SNX29: variants seen among roughly 807,000 people sequenced by gnomAD.
SNX29 encodes the protein sorting nexin 29.
In SNX29, 78 loss-of-function variants were observed where a neutral mutation model predicts 102.1. The ratio of observed to expected loss-of-function variants is 0.76; its 90% CI spans 0.64 to 0.92. The LOEUF (loss-of-function observed/expected upper bound fraction) is 0.92, where lower values mean the gene tolerates loss of function less well. Among genes scored for constraint, SNX29 ranks in the 40% least tolerant of loss-of-function variants. The pLI, the probability that SNX29 is intolerant of heterozygous loss-of-function variation, is 0.00. For missense variants in SNX29, 1,280 were observed against 1,061.7 expected, an observed-to-expected ratio of 1.21 and a Z score of -2.86; for synonymous variants, 580 against 414.5, an observed-to-expected ratio of 1.40 and a Z score of -4.85.
intron 14 of SNX29, among the ~76,000 whole-genome samples, chr16:12,239,178 G>A (rs148682830): frequency 1.1e-4 from 16 of 152,304 alleles, no homozygotes; most frequent in African/African-American, 2.6e-4. Context: ...AGGAGGGGAT[G>A]GATGCCAGGC....
At chr16:12,356,547 A>G (rs2082142699) in intron 16 of SNX29, among the ~76,000 whole-genome samples, 2 of 152,188 alleles carry the variant, frequency 1.3e-5, no homozygotes, top group Non-Finnish European at 2.9e-5. Context: ...CCGCAAACCC[A>G]TCTTTCCATA....
chr16:12,472,543 AC>A (rs377071317), intron 18 of SNX29, among the ~76,000 whole-genome samples: 5 of 139,846 alleles, frequency 3.6e-5, no homozygotes, highest in African/African-American at 5.2e-5. Context: ...AAAAAAAAAA[AC>A]AAAAAAAAAA....
At chr16:12,278,306 C>T (rs2079320415) in intron 15 of SNX29, among the ~76,000 whole-genome samples, 1 of 151,988 alleles carries the variant, frequency 6.6e-6, no homozygotes, top group Admixed American at 6.6e-5. Context: ...AAAAATAAAA[C>T]AATTGTAAGA....
intron 18 of SNX29, among the ~76,000 whole-genome samples, chr16:12,413,771 C>T (rs1016129371): frequency 5.3e-5 from 8 of 152,244 alleles, no homozygotes; most frequent in East Asian, 1.9e-4. Flanking sequence ...CTGCATCAGC[C>T]TGTGGCTTTG....
chr16:12,502,871 A>G (rs1435536866), intron 19 of SNX29, among the ~76,000 whole-genome samples: 2 of 152,184 alleles, frequency 1.3e-5, no homozygotes, highest in Admixed American at 6.5e-5. Context: ...GTTAAAGGTC[A>G]CTACTTTAGA....
At chr16:12,122,441 G>A (rs574288719) in intron 11 of SNX29, among the ~76,000 whole-genome samples, 1 of 152,158 alleles carries the variant, frequency 6.6e-6, no homozygotes, top group Non-Finnish European at 1.5e-5. Flanking sequence ...GGACTCCCAC[G>A]ACTGCTATAG....
At chr16:12,432,690 A>G (rs1209506245) in intron 18 of SNX29, among the ~76,000 whole-genome samples, 2 of 152,238 alleles carry the variant, frequency 1.3e-5, no homozygotes, top group Non-Finnish European at 2.9e-5. Flanking sequence ...GTCTAGGTCC[A>G]TGCCTTCACT....
intron 3 of SNX29, among the ~76,000 whole-genome samples, chr16:12,013,498 AAAATATATATATATATATATATATATAT>A (rs1378243479): frequency 6.0e-5 from 2 of 33,528 alleles, no homozygotes; most frequent in East Asian, 2.8e-3. Flanking sequence ...GAAAAAAAAA[AAAATATATATATATATATATATATATAT>A]ATATATATAT....
intron 20 of SNX29, among the ~76,000 whole-genome samples, chr16:12,560,029 T>TTCTA (rs2141461227): frequency 1.3e-5 from 2 of 152,070 alleles, no homozygotes; most frequent in Non-Finnish European, 2.9e-5. Flanking sequence ...AGACTTAGTA[T>TTCTA]GACAAATACA....
At chr16:12,244,454 C>T (rs1271082866) in intron 14 of SNX29, among the ~76,000 whole-genome samples, 1 of 152,072 alleles carries the variant, frequency 6.6e-6, no homozygotes, top group East Asian at 1.9e-4. Flanking sequence ...ACCAAAAATA[C>T]AAAAATTAGC....
chr16:12,071,031 G>A lies in SNX29; in HGVS notation c.1319+1899G>A, dbSNP rs2051272142. Among the ~76,000 whole-genome samples, 4 of 151,824 alleles carry A rather than the reference G, an allele frequency of 2.6e-5. No homozygotes were observed. The South Asian group carries it at 8.3e-4, about 32-fold the overall frequency. On this transcript the variant is annotated intron_variant, in intron 10 of 20. Coordinates refer to ENST00000566228, the MANE Select transcript of SNX29 (RefSeq NM_032167.5). ...TTTTTGATGGGGTTGTTTTTTTCTT[G>A]TAAATTTGTTTGAGTTCATTGTAGA...
intron 18 of SNX29, among the ~76,000 whole-genome samples, chr16:12,442,077 G>A (rs1316274904): frequency 6.6e-6 from 1 of 152,112 alleles, no homozygotes; most frequent in Non-Finnish European, 1.5e-5. Flanking sequence ...ACCACGCCTG[G>A]CTTTGACTTA....
intron 13 of SNX29, among the ~76,000 whole-genome samples, chr16:12,196,409 G>A (rs1237552735): frequency 2.0e-5 from 3 of 152,130 alleles, no homozygotes; most frequent in East Asian, 3.9e-4. Flanking sequence ...GTGTTCATGT[G>A]TTGCAGATTG....
chr16:12,376,083 A>G (rs1463464226), intron 16 of SNX29: 1 of 148,290 alleles, frequency 6.7e-6, no homozygotes, highest in Non-Finnish European at 1.5e-5. Flanking sequence ...ACTATATTCT[A>G]CTCTAATCTG....
Position 12,002,925 on chromosome 16 carries a change from C to T in SNX29, c.70-66C>T. ...CCCTGACCCTTAAGCCCTGTGTAGGCTGTTTTATGACGTTTTGAGTGTCCC... is the reference window on the plus strand; with the variant it reads ...CCCTGACCCTTAAGCCCTGTGTAGGTTGTTTTATGACGTTTTGAGTGTCCC... On this transcript the variant is annotated intron_variant, in intron 2 of 20. Transcript: ENST00000566228. 1.9e-6 allele frequency: 3 copies of T among 1,592,596 alleles called. 1 individual carries two copies. The South Asian group carries it at 3.3e-5, about 18-fold the overall frequency.
In SNX29 at chr16:12,124,323, T is replaced by C. The variant is rs562756721; in HGVS notation, c.1403-2310T>C. ...GTGAGCCGAGATCATACCACTGCAC[T>C]CCATCCTGGGTGACAGAGTGGGACT... On this transcript the variant is annotated intron_variant, in intron 11 of 20. Transcript: ENST00000566228. Among the ~76,000 whole-genome samples, 9 of 147,984 alleles carry C rather than the reference T, an allele frequency of 6.1e-5. No individual in the cohort carries two copies. The East Asian group carries it at 1.8e-3, about 30-fold the overall frequency.
chr16:12,321,094 G>A (rs892899175), intron 15 of SNX29, among the ~76,000 whole-genome samples: 1 of 152,072 alleles, frequency 6.6e-6, no homozygotes, highest in African/African-American at 2.4e-5. Context: ...TCCCTCCGCT[G>A]CCTCCTCCAG....
intron 16 of SNX29, among the ~76,000 whole-genome samples, chr16:12,392,341 C>G (rs967330673): frequency 1.3e-5 from 2 of 152,140 alleles, no homozygotes; most frequent in African/African-American, 2.4e-5. Context: ...CTTATGTTGT[C>G]CATCACTCTT....
At chr16:12,271,625 T>C (rs1304640482) in intron 14 of SNX29, among the ~76,000 whole-genome samples, 5 of 149,004 alleles carry the variant, frequency 3.4e-5, no homozygotes, top group Non-Finnish European at 5.9e-5. Context: ...ATTGGAACCA[T>C]CTTTTTTTTT....
Sources: gnomAD v4.1 joint callset for allele counts (sites outside exome capture counted in the v4.1 genomes callset) on GRCh38, gnomAD v4.1.1 for gene constraint, MANE v1.5 for transcripts, NCBI Gene and HGNC (gene_info 2026-07-23, HGNC 2026-07-21) for gene names.